Variants in CDH1 observed in about 807,000 individuals in gnomAD.
CDH1 encodes the protein cadherin-1.
CDH1 carries 35 observed loss-of-function variants against 84.5 expected under a neutral mutation model. The ratio of observed to expected loss-of-function variants is 0.41; its 90% confidence interval spans 0.32 to 0.55. The LOEUF (loss-of-function observed/expected upper bound fraction) is 0.55. CDH1 is among the 20% of genes least tolerant of loss of function. CDH1 has a pLI of 0.19. For synonymous variants in CDH1, 417 were observed against 439.0 expected (o/e 0.95, Z 0.63); for missense variants, 994 against 1,126.6 (o/e 0.88, Z 1.68).
At chr16:68,782,144 C>G (rs1192371633) in intron 2 of CDH1, among the ~76,000 whole-genome samples, 1 of 152,170 alleles carries the variant, frequency 6.6e-6, no homozygotes, top group Non-Finnish European at 1.5e-5. Flanking sequence ...GCTCCACAGG[C>G]ACCCCCCACA....
chr16:68,815,537 A>G lies in CDH1; in HGVS notation c.1343A>G (p.Gln448Arg). Residue 448 changes from glutamine (Q) to arginine (R), a missense_variant, in exon 10 of 16, where the codon CAG (glutamine) becomes CGG (arginine). By Grantham distance (43) the Gln-to-Arg change is conservative. This residue lies in a region of CDH1 where 769 missense variants were observed against 881.8 expected (regional missense o/e 0.87). Transcript: ENST00000261769. ...TAGGGCTTGGATTTTGAGGCCAAGC[A>G]GCAGTACATTCTACACGTAGCAGTG... The part of the protein sequence containing the change: ...TAKGLDFEAK[Q>R]QYILHVAVTN... 6.2e-7 allele frequency: 1 copy of G among 1,614,258 alleles called. No individual in the cohort carries two copies. Among genetic ancestry groups the G allele is most frequent in the Non-Finnish European group, 8.5e-7 (1 of 1,180,046 alleles).
intron 2 of CDH1, among the ~76,000 whole-genome samples, chr16:68,755,996 T>C (rs573148097): frequency 9.2e-5 from 14 of 152,014 alleles, no homozygotes; most frequent in Non-Finnish European, 1.8e-4. Flanking sequence ...ACTCCTGACC[T>C]TAGGTGATAA....
intron 2 of CDH1, among the ~76,000 whole-genome samples, chr16:68,788,129 C>T (rs1481722772): frequency 6.6e-6 from 1 of 152,116 alleles, no homozygotes; most frequent in Non-Finnish European, 1.5e-5. Context: ...ACCCAGCCTA[C>T]TGTTAATTAA....
At chr16:68,759,488 T>TA (rs1456946741) in intron 2 of CDH1, among the ~76,000 whole-genome samples, 13 of 128,988 alleles carry the variant, frequency 1.0e-4, no homozygotes, top group Non-Finnish European at 3.1e-5. Context: ...CTTTTCTTTC[T>TA]TTTTTTTTTT....
At chr16:68,767,262 T>A (rs1435442404) in intron 2 of CDH1, among the ~76,000 whole-genome samples, 1 of 151,770 alleles carries the variant, frequency 6.6e-6, no homozygotes, top group Non-Finnish European at 1.5e-5. Context: ...TGGCATGATC[T>A]CAACTCACTG....
rs587780121 is a variant in CDH1 at position 68,833,365 on chromosome 16, G to A, written c.2515G>A (p.Gly839Ser). 1.9e-5 allele frequency: 31 copies of A among 1,614,062 alleles called. No homozygotes were observed. Among genetic ancestry groups the A allele is most frequent in the East Asian group, 1.8e-4 (8 of 44,902 alleles). Residue 839 changes from glycine (G) to serine (S), a missense_variant, in exon 16 of 16, where the codon GGT becomes AGT. Transcript: ENST00000261769. ...SLLVFDYEGSGSEAASLSSLN... is the reference protein window; with the variant it reads ...SLLVFDYEGSSSEAASLSSLN... ...GCTCGTGTTTGACTATGAAGGAAGC[G>A]GTTCCGAAGCTGCTAGTCTGAGCTC... is the stretch of plus-strand genomic sequence containing the variant.
At chr16:68,793,088 C>G (rs1360179521) in intron 2 of CDH1, among the ~76,000 whole-genome samples, 2 of 152,164 alleles carry the variant, frequency 1.3e-5, no homozygotes, top group Admixed American at 1.3e-4. Flanking sequence ...CAGCTGCCAC[C>G]CTGAGAGCAC....
rs568359275 is a variant in CDH1, at chr16:68,757,766, T to C, written c.163+19355T>C. ...CTCTCTCTCTTTTTCTTTCTCTCTC[T>C]CTCCTTCCTTCCTTCCTTCCTTCCT... On this transcript the variant is annotated intron_variant, in intron 2 of 15. Transcript: ENST00000261769. 2.1e-5 allele frequency among the ~76,000 whole-genome samples: 3 copies of C among 141,122 alleles called. No individual in the cohort carries two copies. The East Asian group carries it at 6.5e-4, about 30-fold the overall frequency. 92.6% of individuals were successfully genotyped at this position (141,122 alleles called of 152,430 possible).
At chr16:68,818,196 C>T (rs1445470069) in intron 10 of CDH1, among the ~76,000 whole-genome samples, 1 of 145,908 alleles carries the variant, frequency 6.9e-6, no homozygotes, top group African/African-American at 2.6e-5. Context: ...GCTGAGATCA[C>T]GCCACTGTAC....
intron 2 of CDH1, among the ~76,000 whole-genome samples, chr16:68,786,292 C>T (rs1473940131): frequency 2.0e-5 from 3 of 152,110 alleles, no homozygotes; most frequent in Non-Finnish European, 2.9e-5. Context: ...CTGCCTCAGC[C>T]TCCCAAGTAG....
chr16:68,806,204 T>C (rs902687654), intron 3 of CDH1, among the ~76,000 whole-genome samples: 8 of 151,704 alleles, frequency 5.3e-5, no homozygotes, highest in Admixed American at 6.6e-5. Context: ...CAGGCTGGAG[T>C]GCAGTGGCAT....
intron 2 of CDH1, among the ~76,000 whole-genome samples, chr16:68,762,233 C>T (rs528262571): frequency 2.5e-4 from 38 of 152,306 alleles, no homozygotes; most frequent in African/African-American, 8.9e-4. Flanking sequence ...GGGCCATCTT[C>T]GTTGTTGCTA....
chr16:68,778,078 C>T (rs180747615), intron 2 of CDH1, among the ~76,000 whole-genome samples: 108 of 151,842 alleles, frequency 7.1e-4, no homozygotes, highest in Middle Eastern at 6.8e-3. Flanking sequence ...GACGGAATCT[C>T]GCTCTGTTGC....
intron 1 of CDH1, among the ~76,000 whole-genome samples, chr16:68,738,030 A>G (rs1464601052): frequency 1.3e-5 from 2 of 151,958 alleles, no homozygotes; most frequent in Non-Finnish European, 2.9e-5. Context: ...CTCCAATAAA[A>G]TGAGAAAGGA....
intron 2 of CDH1, among the ~76,000 whole-genome samples, chr16:68,799,830 T>C (rs1370977404): frequency 3.9e-5 from 6 of 151,938 alleles, no homozygotes; most frequent in Non-Finnish European, 8.8e-5. Context: ...CTGGACAACA[T>C]GGTGAAACCC....
chr16:68,740,281 T>A (rs140983652), intron 2 of CDH1, among the ~76,000 whole-genome samples: 1 of 150,760 alleles, frequency 6.6e-6, no homozygotes, highest in Non-Finnish European at 1.5e-5. Flanking sequence ...TGTCTTTACA[T>A]TTTTTTTTTG....
chr16:68,799,010 A>G (rs1960431427), intron 2 of CDH1, among the ~76,000 whole-genome samples: 2 of 152,190 alleles, frequency 1.3e-5, no homozygotes, highest in Non-Finnish European at 2.9e-5. Flanking sequence ...AGAAAATGTC[A>G]TCCCATTCAC....
chr16:68,737,949 G>A (rs1172098023), intron 1 of CDH1, among the ~76,000 whole-genome samples: 1 of 152,206 alleles, frequency 6.6e-6, no homozygotes, highest in African/African-American at 2.4e-5. Flanking sequence ...GAGGAGGTGG[G>A]AGCGCCCCTC....
chr16:68,823,685 T>A, intron 13 of CDH1, 59 bp downstream of exon 13: 1 of 1,148,106 alleles, frequency 8.7e-7, no homozygotes, highest in South Asian at 1.3e-5. Flanking sequence ...GAGGTTTATT[T>A]CCTGGAAATG....
Sources: allele counts gnomAD v4.1 joint callset (sites outside exome capture counted in the v4.1 genomes callset), GRCh38; gene constraint gnomAD v4.1.1; regional missense constraint gnomAD v4.1.1; transcripts MANE v1.5; gene names NCBI Gene and HGNC (gene_info 2026-07-23, HGNC 2026-07-21).